The following IQCM variants were observed in gnomAD, a reference collection of about 807,000 sequenced individuals.
IQCM encodes IQ motif containing M, also known as IQ domain-containing protein M.
In IQCM, 45 loss-of-function variants were observed where a neutral mutation model predicts 57.6. The ratio of observed to expected loss-of-function variants is 0.78; its 90% CI spans 0.62 to 1.00. The LOEUF (loss-of-function observed/expected upper bound fraction) is 1.00. Ranked by LOEUF, IQCM falls within the 50% of genes least tolerant of loss-of-function variation. The probability of loss-of-function intolerance (pLI) is 0.00; values close to 1 mark genes in which losing one functional copy is unlikely to be tolerated. For synonymous variants in IQCM, 148 were observed against 158.9 expected (o/e 0.93, Z 0.51); for missense variants, 468 against 511.6 (o/e 0.91, Z 0.82).
At chr4:149,638,333 T>C (rs1196289167) in intron 7 of IQCM, among the ~76,000 whole-genome samples, 1 of 152,018 alleles carries the variant, frequency 6.6e-6, no homozygotes, top group Non-Finnish European at 1.5e-5. Flanking sequence ...GAGTGTAAAA[T>C]GGTATGTGGG....
chr4:149,725,760 T>C (rs1765835505), intron 5 of IQCM, among the ~76,000 whole-genome samples: 1 of 152,136 alleles, frequency 6.6e-6, no homozygotes. Context: ...TCACTCTTCT[T>C]ACTGCTGACC....
intron 2 of IQCM, among the ~76,000 whole-genome samples, chr4:149,803,856 G>A (rs1228248123): frequency 6.6e-6 from 1 of 151,830 alleles, no homozygotes; most frequent in Admixed American, 6.6e-5. Flanking sequence ...TTCTGTTATT[G>A]TATAAGGGCC....
intron 12 of IQCM, among the ~76,000 whole-genome samples, chr4:149,452,969 C>T (rs540069842): frequency 1.3e-5 from 2 of 150,012 alleles, no homozygotes; most frequent in Non-Finnish European, 3.0e-5. Flanking sequence ...GCAATATACC[C>T]ACGTAACAAA....
At chr4:149,410,049 C>T (rs766091632) in intron 13 of IQCM, among the ~76,000 whole-genome samples, 4 of 152,040 alleles carry the variant, frequency 2.6e-5, no homozygotes, top group East Asian at 1.9e-4. Context: ...CCAGGCATGG[C>T]GGTGGGCAAC....
At chr4:149,553,034 A>G (rs1749183250) in intron 11 of IQCM, 109 bp downstream of exon 11, 2 of 766,642 alleles carry the variant, frequency 2.6e-6, no homozygotes, top group Admixed American at 4.3e-5. Context: ...GCTTACAGCA[A>G]TATAACATAT....
At chr4:149,766,263 A>G (rs902488292) in intron 2 of IQCM, among the ~76,000 whole-genome samples, 1 of 152,136 alleles carries the variant, frequency 6.6e-6, no homozygotes, top group Admixed American at 6.6e-5. Flanking sequence ...TGGCAGCCAT[A>G]GTAGGATGAA....
intron 12 of IQCM, among the ~76,000 whole-genome samples, chr4:149,476,927 A>G (rs1163395893): frequency 2.0e-5 from 3 of 152,126 alleles, no homozygotes; most frequent in African/African-American, 7.2e-5. Flanking sequence ...GAATTTTACA[A>G]TTTATATTAA....
intron 12 of IQCM, among the ~76,000 whole-genome samples, chr4:149,475,533 G>T (rs2149738892): frequency 6.6e-6 from 1 of 152,142 alleles, no homozygotes; most frequent in Non-Finnish European, 1.5e-5. Flanking sequence ...GCATATAAAT[G>T]ATATTTAGAG....
chr4:149,681,637 T>C (rs1451516005), intron 7 of IQCM, among the ~76,000 whole-genome samples: 1 of 151,070 alleles, frequency 6.6e-6, no homozygotes, highest in East Asian at 1.9e-4. Context: ...GAGTTTTACC[T>C]TAATGACAGC....
intron 13 of IQCM, among the ~76,000 whole-genome samples, chr4:149,415,135 C>G (rs926154787): frequency 1.3e-5 from 2 of 152,136 alleles, no homozygotes; most frequent in Non-Finnish European, 2.9e-5. Context: ...AAAATGCCAT[C>G]ATGTCACAGT....
chr4:149,705,272 G>C (rs1292384401), intron 5 of IQCM, among the ~76,000 whole-genome samples: 1 of 147,216 alleles, frequency 6.8e-6, no homozygotes, highest in Non-Finnish European at 1.5e-5. Context: ...ATAAAAATTA[G>C]GGCTCTGGAG....
chr4:149,553,142 C>T lies in IQCM; in HGVS notation c.1093+1G>A. On this transcript the variant is annotated splice_donor_variant, in intron 11 of 13. Transcript: ENST00000636793. LOFTEE classifies it high-confidence loss of function. ...AAACCAGAAGTGTCTGCATCACTTA[C>T]ATTTTTTTCGGTCCATCCACTCCTC... The T allele has an allele frequency of 8.1e-7, 1 of 1,231,950 alleles. No individual in the cohort carries two copies. The allele number at this position is 1,231,950 out of a possible 1,614,324, so 76.3% of individuals were successfully genotyped here. A position where few individuals can be genotyped will look rare whatever the true frequency, so the allele number is the denominator to read the frequency against.
chr4:149,634,733 G>A (rs571285871), intron 7 of IQCM, among the ~76,000 whole-genome samples: 10 of 152,138 alleles, frequency 6.6e-5, no homozygotes, highest in Admixed American at 4.6e-4. Context: ...AATGAAACAC[G>A]GACATTAGAA....
intron 5 of IQCM, among the ~76,000 whole-genome samples, chr4:149,692,322 T>G (rs2149797726): frequency 6.6e-6 from 1 of 152,320 alleles, no homozygotes; most frequent in Non-Finnish European, 1.5e-5. Context: ...GCAACCTTTC[T>G]TGTCTAATAT....
chr4:149,701,245 C>A (rs1250986308), intron 5 of IQCM, among the ~76,000 whole-genome samples: 1 of 151,920 alleles, frequency 6.6e-6, no homozygotes, highest in African/African-American at 2.4e-5. Context: ...GAAATAAAAA[C>A]CAAAGTAATG....
intron 12 of IQCM, among the ~76,000 whole-genome samples, chr4:149,443,101 A>C (rs1736138447): frequency 2.6e-5 from 4 of 152,032 alleles, no homozygotes. Flanking sequence ...ACTCTTGTGC[A>C]TGGCTGATGT....
At chr4:149,657,618 C>T (rs1374904470) in intron 7 of IQCM, among the ~76,000 whole-genome samples, 1 of 152,126 alleles carries the variant, frequency 6.6e-6, no homozygotes, top group Non-Finnish European at 1.5e-5. Context: ...ATTTACCATC[C>T]TACTAGCAGT....
chr4:149,498,578 A>G (rs961282948), intron 12 of IQCM, among the ~76,000 whole-genome samples: 2 of 152,158 alleles, frequency 1.3e-5, no homozygotes, highest in African/African-American at 2.4e-5. Context: ...AAGAGGGGCT[A>G]TGTAGGAACC....
intron 2 of IQCM, among the ~76,000 whole-genome samples, chr4:149,783,042 T>C (rs531966193): frequency 3.9e-5 from 6 of 152,170 alleles, no homozygotes; most frequent in Non-Finnish European, 5.9e-5. Context: ...TGTTTTAAAT[T>C]CCATCTTGTC....
Sources: gnomAD v4.1 joint callset for allele counts (sites outside exome capture counted in the v4.1 genomes callset) on GRCh38, gnomAD v4.1.1 for gene constraint, MANE v1.5 for transcripts, NCBI Gene and HGNC (gene_info 2026-07-23, HGNC 2026-07-21) for gene names.